Variants in CIITA observed in about 807,000 individuals in gnomAD.
CIITA encodes the protein class II major histocompatibility complex transactivator, also known as MHC class II transactivator.
CIITA carries 72 observed loss-of-function variants against 115.1 expected under a neutral mutation model. The ratio of observed to expected loss-of-function variants is 0.63; its 90% CI spans 0.52 to 0.76. The LOEUF (loss-of-function observed/expected upper bound fraction) is 0.76, where lower values mean the gene tolerates loss of function less well. Among genes scored for constraint, CIITA ranks in the 30% least tolerant of loss-of-function variants. The probability of loss-of-function intolerance (pLI) is 0.00; values close to 1 mark genes in which losing one functional copy is unlikely to be tolerated. For synonymous variants in CIITA, 763 were observed against 635.6 expected (o/e 1.20, Z -3.02); for missense variants, 1,617 against 1,463.8 (o/e 1.10, Z -1.71).
Position 10,922,306 on chromosome 16 carries a change from G to A in CIITA, c.3233+56G>A, listed in dbSNP as rs2040317025. 6 of 1,606,794 alleles carry A rather than the reference G, an allele frequency of 3.7e-6. No individual in the cohort carries two copies. The African/African-American group carries it at 5.3e-5, about 14-fold the overall frequency. On this transcript the variant is annotated intron_variant, in intron 17 of 19. Coordinates refer to ENST00000324288, the MANE Select transcript of CIITA (RefSeq NM_000246.4). Reference sequence around the variant, plus strand: ...TCAGCCCGGGGTGGGAGACACTGAAGTCTCTCCCTGGTGTCCTGGAAGAGC... The same window carrying A: ...TCAGCCCGGGGTGGGAGACACTGAAATCTCTCCCTGGTGTCCTGGAAGAGC...
intron 11 of CIITA, 184 bp from the exon 12 acceptor site, chr16:10,908,845 G>A: frequency 2.5e-6 from 2 of 803,726 alleles, no homozygotes; most frequent in Non-Finnish European, 4.1e-6. Flanking sequence ...AAACCACTGT[G>A]TGAGTTGTGA....
Position 10,922,151 on chromosome 16 carries a change from C to G in CIITA, c.3150-16C>G. On this transcript the variant is annotated splice_polypyrimidine_tract_variant and intron_variant, in intron 16 of 19. Transcript: ENST00000324288. ...ACAGGCCTCCAATCCCTCCCCCTGG[C>G]CTCTGTTTCCGACAGCTTGTACAAT... 6.2e-7 allele frequency: 1 copy of G among 1,613,238 alleles called. No homozygotes were observed. Among genetic ancestry groups the G allele is most frequent in the Non-Finnish European group, 8.5e-7 (1 of 1,179,130 alleles).
At chr16:10,922,587 C>A in intron 18 of CIITA, 97 bp downstream of exon 18, 3 of 1,206,132 alleles carry the variant, frequency 2.5e-6, no homozygotes, top group East Asian at 2.4e-5. Context: ...TTCCCTTCAC[C>A]AATCTGCAAC....
Position 10,932,556 on chromosome 16 carries a change from A to G in CIITA, c.*8701A>G, listed in dbSNP as rs1269112099. The G allele has an allele frequency of 1.3e-5, 2 of 151,994 alleles. No homozygotes were observed. The highest frequency in any genetic ancestry group is 3.9e-4 in the East Asian group (2 of 5,188). 9.4% of individuals were successfully genotyped at this position (151,994 alleles called of 1,614,324 possible). ...CTTTTCTCTGAGATGGGGGTATCCA[A>G]TCTTTTGGCTTCCCTGGGCCACAGT... is the stretch of plus-strand genomic sequence containing the variant. On this transcript the variant is annotated 3_prime_UTR_variant, in exon 20 of 20. Transcript: ENST00000324288.
intron 1 of CIITA, among the ~76,000 whole-genome samples, chr16:10,881,138 G>T (rs1567363306): frequency 6.6e-6 from 1 of 152,006 alleles, no homozygotes; most frequent in Non-Finnish European, 1.5e-5. Context: ...TTTTAGCCGG[G>T]CATGGTGGTG....
chr16:10,877,458 C>G lies in CIITA; in HGVS notation c.52+76C>G, dbSNP rs182320985. 6.6e-4 allele frequency: 963 copies of G among 1,468,704 alleles called. 4 individuals are homozygous for G. In the African/African-American group the frequency reaches 0.012, roughly 18 times the overall value. 91.0% of individuals were successfully genotyped at this position (1,468,704 alleles called of 1,614,324 possible). Reference sequence around the variant, plus strand: ...CTGCCATTCCAGATAAACAGAGAAACCATTCTGAATTGGGGATGGGGGTGA... The same window carrying G: ...CTGCCATTCCAGATAAACAGAGAAAGCATTCTGAATTGGGGATGGGGGTGA... On this transcript the variant is annotated intron_variant, in intron 1 of 19. Transcript: ENST00000324288.
chr16:10,866,934 A>C (rs2035111588), intron 1 of CIITA, among the ~76,000 whole-genome samples: 4 of 152,182 alleles, frequency 2.6e-5, no homozygotes, highest in African/African-American at 7.2e-5. Context: ...ATGCAGGCAC[A>C]ATCAGTGTGA....
chr16:10,908,378 C>A, intron 11 of CIITA: 2 of 673,734 alleles, frequency 3.0e-6, no homozygotes, highest in Non-Finnish European at 5.4e-6. Flanking sequence ...TATTTGAAGG[C>A]CCGCCATGTG....
In CIITA at chr16:10,935,018, G is replaced by C. The variant is rs1011439994; in HGVS notation, c.*11163G>C. The C allele has an allele frequency of 1.3e-5, 2 of 152,276 alleles. No homozygotes were observed. The highest frequency in any genetic ancestry group is 4.8e-5 in the African/African-American group (2 of 41,470). 9.4% of individuals were successfully genotyped at this position (152,276 alleles called of 1,614,324 possible). ...CTGACACGCCATTGACACTGACCAC[G>C]TCATTCATTAAGCAAGCACCAACTA... On this transcript the variant is annotated 3_prime_UTR_variant, in exon 20 of 20. Coordinates refer to ENST00000324288, the MANE Select transcript of CIITA (RefSeq NM_000246.4).
chr16:10,938,175 G>C (rs1475630661), downstream of CIITA: 1 of 152,106 alleles, frequency 6.6e-6, no homozygotes, highest in Non-Finnish European at 1.5e-5. The surrounding 1 kb of genome is among the most constrained non-coding windows in gnomAD (Gnocchi z 4.9). Context: ...CACAACAAGG[G>C]AGATTTTCAT....
chr16:10,915,224 G>GT (rs746458840), intron 13 of CIITA, among the ~76,000 whole-genome samples: 2 of 151,814 alleles, frequency 1.3e-5, no homozygotes, highest in East Asian at 1.9e-4. Context: ...TAATTATTGT[G>GT]TTTTTTGTAG....
At position 10,926,216 on chromosome 16, in the gene CIITA, T is replaced by C. The variant is rs1433697603; in HGVS notation, c.*2361T>C. On this transcript the variant is annotated 3_prime_UTR_variant, in exon 20 of 20. Transcript: ENST00000324288. ...GAGGAATCCAGACCCGGCTGCGTGG[T>C]TGATGATCTTTGCAGACAGGCAAGC... The C allele has an allele frequency of 1.3e-5, 2 of 152,250 alleles. No individual in the cohort carries two copies. The highest frequency in any genetic ancestry group is 2.9e-5 in the Non-Finnish European group (2 of 68,050). The allele number at this position is 152,250 out of a possible 1,614,324, so 9.4% of individuals were successfully genotyped here.
upstream of CIITA, among the ~76,000 whole-genome samples, chr16:10,874,639 G>C (rs1222343246): frequency 6.6e-6 from 1 of 152,248 alleles, no homozygotes; most frequent in Non-Finnish European, 1.5e-5. Flanking sequence ...GCATGGTCAG[G>C]TTCAGGTCTT....
rs967063558 is a variant in CIITA at position 10,924,127 on chromosome 16, C to G, written c.*272C>G. ...GCAGCTGCGGTCCACCCAGGAGCCC[C>G]GAGGCCTTCTCTGAAGGACATTGCG... On this transcript the variant is annotated 3_prime_UTR_variant, in exon 20 of 20. Coordinates refer to ENST00000324288, the MANE Select transcript of CIITA (RefSeq NM_000246.4). The G allele has an allele frequency of 6.6e-6, 1 of 152,396 alleles. No individual in the cohort carries two copies. Among genetic ancestry groups the G allele is most frequent in the African/African-American group, 2.4e-5 (1 of 41,466 alleles). 9.4% of individuals were successfully genotyped at this position (152,396 alleles called of 1,614,324 possible).
At chr16:10,887,027 C>T (rs1381642958) in intron 1 of CIITA, among the ~76,000 whole-genome samples, 1 of 152,212 alleles carries the variant, frequency 6.6e-6, no homozygotes, top group Non-Finnish European at 1.5e-5. Context: ...CATTGTTTTA[C>T]AGCTTTAGAG....
In CIITA at chr16:10,924,225, G is replaced by A. The variant is rs1352078590; in HGVS notation, c.*370G>A. ...GCCTGCCCAGGCCCCTGCCACCCTG[G>A]GGAGAAAGTACTTCTTTTTTTTTAT... On this transcript the variant is annotated 3_prime_UTR_variant, in exon 20 of 20. Transcript: ENST00000324288. 6.6e-6 allele frequency: 1 copy of A among 152,388 alleles called. No homozygotes were observed. The highest frequency in any genetic ancestry group is 1.5e-5 in the Non-Finnish European group (1 of 68,204). The allele number at this position is 152,388 out of a possible 1,614,324, so 9.4% of individuals were successfully genotyped here.
At chr16:10,900,224 G>C (rs1421711054) in intron 5 of CIITA, among the ~76,000 whole-genome samples, 1 of 152,134 alleles carries the variant, frequency 6.6e-6, no homozygotes, top group Non-Finnish European at 1.5e-5. Context: ...GCGAGCTCCT[G>C]TATTTGCTTT....
At chr16:10,918,877 T>C (rs8062961) in intron 16 of CIITA, among the ~76,000 whole-genome samples, 149,163 of 152,314 alleles carry the variant, frequency 0.98, 73,144 homozygotes, top group East Asian at 1. Flanking sequence ...GCTAACCACG[T>C]ACGTCAGCTT....
intron 4 of CIITA, 79 bp downstream of exon 4, chr16:10,898,811 G>T (rs2038407609): frequency 6.2e-7 from 1 of 1,601,050 alleles, no homozygotes; most frequent in African/African-American, 1.3e-5. Context: ...CCTAATACCT[G>T]ACGACCATTC....
Sources: gnomAD v4.1 joint callset for allele counts (sites outside exome capture counted in the v4.1 genomes callset) on GRCh38, gnomAD v4.1.1 for gene constraint, Gnocchi (gnomAD v3.1) non-coding constraint, MANE v1.5 for transcripts, NCBI Gene and HGNC (gene_info 2026-07-23, HGNC 2026-07-21) for gene names.